The following ANKRD34B variants were observed in gnomAD, a reference collection of about 807,000 sequenced individuals.
The protein encoded by ANKRD34B is ankyrin repeat domain-containing protein 34B.
In ANKRD34B, 2 loss-of-function variants were observed where a neutral mutation model predicts 4.4. The ratio of observed to expected loss-of-function variants is 0.46; its 90% CI spans 0.19 to 1.44. The LOEUF (loss-of-function observed/expected upper bound fraction) is 1.44. ANKRD34B is among the 40% of genes most tolerant of loss of function. The pLI, the probability that ANKRD34B is intolerant of heterozygous loss-of-function variation, is 0.26. For synonymous variants in ANKRD34B, 226 were observed against 227.1 expected (o/e 0.99, Z 0.05); for missense variants, 558 against 604.7 (o/e 0.92, Z 0.81).
chr5:80,565,554 G>A (rs1375601460), intron 3 of ANKRD34B, among the ~76,000 whole-genome samples: 2 of 152,224 alleles, frequency 1.3e-5, no homozygotes, highest in South Asian at 2.1e-4. Flanking sequence ...TTCCTCATGC[G>A]TGGAATGACA....
rs781761362 is a variant in ANKRD34B, at chr5:80,558,455, ATG to A, written c.*18_*19del. The A allele has an allele frequency of 5.4e-6, 8 of 1,487,056 alleles. No individual in the cohort carries two copies. The highest frequency in any genetic ancestry group is 1.8e-4 in the Middle Eastern group (1 of 5,658). The allele number at this position is 1,487,056 out of a possible 1,614,324, so 92.1% of individuals were successfully genotyped here. A position where few individuals can be genotyped will look rare whatever the true frequency, so the allele number is the denominator to read the frequency against. On this transcript the variant is annotated 3_prime_UTR_variant, in exon 5 of 5. Coordinates refer to ENST00000338682, the MANE Select transcript of ANKRD34B (RefSeq NM_001004441.3). ...TCTCTGATATAAACATTTGAAGAAG[ATG>A]TGTTTTATACCCATCTCCTAGAAGT...
chr5:80,561,436 C>T (rs1746403139), intron 4 of ANKRD34B, among the ~76,000 whole-genome samples: 1 of 151,818 alleles, frequency 6.6e-6, no homozygotes, highest in South Asian at 2.1e-4. Context: ...GATAACAAAT[C>T]TAATAACCAA....
At chr5:80,561,778 C>T (rs908154339) in intron 4 of ANKRD34B, among the ~76,000 whole-genome samples, 2 of 152,114 alleles carry the variant, frequency 1.3e-5, no homozygotes, top group Non-Finnish European at 2.9e-5. Flanking sequence ...AGATAATACT[C>T]CTTTTGCAAA....
In ANKRD34B at chr5:80,560,050, T is replaced by A; in HGVS notation, c.-23-8A>T. 1 of 1,468,702 alleles carries A rather than the reference T, an allele frequency of 6.8e-7. No individual in the cohort carries two copies. The highest frequency in any genetic ancestry group is 1.3e-5 in the South Asian group (1 of 74,232). 91.0% of individuals were successfully genotyped at this position (1,468,702 alleles called of 1,614,324 possible). A position where few individuals can be genotyped will look rare whatever the true frequency, so the allele number is the denominator to read the frequency against. On this transcript the variant is annotated splice_polypyrimidine_tract_variant and splice_region_variant and intron_variant, in intron 4 of 4. Coordinates refer to ENST00000338682, the MANE Select transcript of ANKRD34B (RefSeq NM_001004441.3). ...GAGGTTAGAACTCAATACCTGGTTA[T>A]CAAAGATGGCAAAGACCAAAAGATT...
chr5:80,562,008 T>C (rs1746417542), intron 4 of ANKRD34B, among the ~76,000 whole-genome samples: 1 of 150,962 alleles, frequency 6.6e-6, no homozygotes, highest in African/African-American at 2.4e-5. Context: ...AGCAACAATA[T>C]TTTGGAAGCC....
At chr5:80,560,314 AAAAAATAATTTACCTGTG>A (rs1484254655) in intron 4 of ANKRD34B, among the ~76,000 whole-genome samples, 1 of 152,204 alleles carries the variant, frequency 6.6e-6, no homozygotes, top group East Asian at 1.9e-4. Flanking sequence ...CACATTAATT[AAAAAATAATTTACCTGTG>A]AAAAATAATT....
intron 4 of ANKRD34B, among the ~76,000 whole-genome samples, chr5:80,563,505 T>G (rs1746465965): frequency 6.6e-6 from 1 of 152,238 alleles, no homozygotes; most frequent in Non-Finnish European, 1.5e-5. Flanking sequence ...TCAGTTCTCA[T>G]GACATTATCT....
chr5:80,559,126 A>G lies in ANKRD34B; in HGVS notation c.894T>C (p.Asp298=), dbSNP rs1324567969. 5 of 1,614,078 alleles carry G rather than the reference A, an allele frequency of 3.1e-6. No homozygotes were observed. The African/African-American group carries it at 5.3e-5, about 17-fold the overall frequency. Residue 298 remains aspartate, a synonymous_variant, in exon 5 of 5, where the codon GAT becomes GAC. Transcript: ENST00000338682. ...KRFITRHQSI[D]VKDTAHLLRA... ...TTAGCAAATGTGCAGTGTCTTTTAC[A>G]TCAATGCTTTGGTGCCTAGTGATGA...
At chr5:80,568,468 T>C (rs1746641526) in intron 2 of ANKRD34B, among the ~76,000 whole-genome samples, 1 of 152,092 alleles carries the variant, frequency 6.6e-6, no homozygotes, top group Admixed American at 6.5e-5. Context: ...ATTAGTAGAA[T>C]GGGCCAGGAG....
chr5:80,558,750 G>A lies in ANKRD34B; in HGVS notation c.1270C>T (p.His424Tyr), dbSNP rs377382681. Residue 424 changes from histidine to tyrosine, a missense_variant, in exon 5 of 5, where the codon CAT becomes TAT. By Grantham distance (83) the His-to-Tyr change is moderately conservative. Transcript: ENST00000338682. Reference protein sequence around the residue: ...IPPGPLSRRNHAVLERRGSGA... With the variant: ...IPPGPLSRRNYAVLERRGSGA... ...GAACCTCGCCTTTCTAAAACTGCATGATTTCTCCTGCTCAGGGGACCTGGG... is the reference window on the plus strand; with the variant it reads ...GAACCTCGCCTTTCTAAAACTGCATAATTTCTCCTGCTCAGGGGACCTGGG... 65 of 1,614,054 alleles carry A rather than the reference G, an allele frequency of 4.0e-5. 1 individual carries two copies. Among genetic ancestry groups the A allele is most frequent in the Non-Finnish European group, 5.4e-5 (64 of 1,180,032 alleles).
At chr5:80,566,463 G>A (rs1475708930) in intron 3 of ANKRD34B, among the ~76,000 whole-genome samples, 1 of 152,172 alleles carries the variant, frequency 6.6e-6, no homozygotes, top group African/African-American at 2.4e-5. Context: ...CTTAGAGGCA[G>A]CTTGCTGAAA....
intron 4 of ANKRD34B, among the ~76,000 whole-genome samples, chr5:80,560,478 T>C (rs936119576): frequency 6.6e-6 from 1 of 152,042 alleles, no homozygotes; most frequent in African/African-American, 2.4e-5. Context: ...CAATGTGTAG[T>C]GAGACTCCAT....
At chr5:80,567,294 T>C (rs996693399) in intron 2 of ANKRD34B, among the ~76,000 whole-genome samples, 1 of 151,940 alleles carries the variant, frequency 6.6e-6, no homozygotes, top group African/African-American at 2.4e-5. Flanking sequence ...TGGCTTTTTG[T>C]CCCCATGCCA....
intron 1 of ANKRD34B, 101 bp downstream of exon 1, chr5:80,570,053 C>T (rs2112725379): frequency 6.6e-6 from 1 of 152,480 alleles, no homozygotes; most frequent in East Asian, 1.9e-4. Context: ...GTGCGGGCCG[C>T]TGGGTTCCAC....
Position 80,558,774 on chromosome 5 carries a change from G to C in ANKRD34B, c.1246C>G (p.Pro416Ala). 6.2e-7 allele frequency: 1 copy of C among 1,614,082 alleles called. No individual in the cohort carries two copies. The highest frequency in any genetic ancestry group is 1.6e-4 in the Middle Eastern group (1 of 6,062). The change falls in exon 5 of 5, where the codon CCA becomes GCA. Residue 416 changes from proline (P) to alanine (A), a missense_variant. Coordinates refer to ENST00000338682, the MANE Select transcript of ANKRD34B (RefSeq NM_001004441.3). The stretch of plus-strand genomic sequence containing the variant: ...TGATTTCTCCTGCTCAGGGGACCTG[G>C]GGGGATATTCTCCAACAATTCTTTG... ...ESKELLENIP[P>A]GPLSRRNHAV...
At position 80,559,896 on chromosome 5, in the gene ANKRD34B, G is replaced by T; in HGVS notation, c.124C>A (p.Arg42Ser). ...GCGATCATTAAAGGGGTTTCCCCAC[G>T]GTCGTTGCTCTCATTAATGTAGGCA... ...GGAYINESNDRGETPLMIACK... is the reference protein window; with the variant it reads ...GGAYINESNDSGETPLMIACK... Residue 42 changes from arginine (R) to serine (S), a missense_variant, in exon 5 of 5, where the codon CGT (arginine) becomes AGT (serine). Coordinates refer to ENST00000338682, the MANE Select transcript of ANKRD34B (RefSeq NM_001004441.3). 6.2e-7 allele frequency: 1 copy of T among 1,614,210 alleles called. No homozygotes were observed. Among genetic ancestry groups the T allele is most frequent in the Non-Finnish European group, 8.5e-7 (1 of 1,180,036 alleles).
chr5:80,562,507 C>T (rs1313291543), intron 4 of ANKRD34B, among the ~76,000 whole-genome samples: 1 of 152,196 alleles, frequency 6.6e-6, no homozygotes, highest in African/African-American at 2.4e-5. Context: ...TGATTGCTTA[C>T]TGACCACGGC....
In ANKRD34B at chr5:80,569,541, G is replaced by A. The variant is rs376092606; in HGVS notation, c.-338-434C>T. 2.6e-5 allele frequency among the ~76,000 whole-genome samples: 4 copies of A among 151,410 alleles called. No homozygotes were observed. In the East Asian group the frequency reaches 7.9e-4, roughly 30 times the overall value. ...CCCAGCCCGCCCCCAGCGCCCAGCC[G>A]GCACCTCCTGCTGCCCAGCTGCCGA... is the stretch of plus-strand genomic sequence containing the variant. On this transcript the variant is annotated intron_variant, in intron 1 of 4. Coordinates refer to ENST00000338682, the MANE Select transcript of ANKRD34B (RefSeq NM_001004441.3).
intron 4 of ANKRD34B, among the ~76,000 whole-genome samples, chr5:80,562,102 TGAA>T (rs1329922801): frequency 7.1e-6 from 1 of 141,608 alleles, no homozygotes; most frequent in Non-Finnish European, 1.5e-5. Context: ...TGTGTGTGTG[TGAA>T]GAATACAGCT....
Sources: gnomAD v4.1 joint callset for allele counts (sites outside exome capture counted in the v4.1 genomes callset) on GRCh38, gnomAD v4.1.1 for gene constraint, MANE v1.5 for transcripts, NCBI Gene and HGNC (gene_info 2026-07-23, HGNC 2026-07-21) for gene names.